Variants in ATP2B4 observed in about 807,000 individuals in gnomAD.
ATP2B4 encodes the protein plasma membrane calcium-transporting ATPase 4.
In ATP2B4, 39 loss-of-function variants were observed where a neutral mutation model predicts 110.3. That is an observed-to-expected ratio of 0.35 (90% CI 0.27 to 0.46). ATP2B4 has a LOEUF of 0.46. Among genes scored for constraint, ATP2B4 ranks in the 20% least tolerant of loss-of-function variants. The probability of loss-of-function intolerance (pLI) is 1.00; values close to 1 mark genes in which losing one functional copy is unlikely to be tolerated. For synonymous variants in ATP2B4, 538 were observed against 571.7 expected, an observed-to-expected ratio of 0.94 and a Z score of 0.84; for missense variants, 1,135 against 1,530.9, an observed-to-expected ratio of 0.74 and a Z score of 4.32.
intron 15 of ATP2B4, among the ~76,000 whole-genome samples, chr1:203,715,965 G>T (rs114888492): frequency 0.018 from 2,628 of 144,364 alleles, 327 homozygotes; most frequent in African/African-American, 0.064. Flanking sequence ...TACTGAATTG[G>T]AAAGCCGGGA....
rs1214526316 is a variant in ATP2B4, at chr1:203,724,865, C to CTCTTTTTTTTTTTTTTTTTTTTTTTTTTT, written c.3132+878_3132+879insCTTTTTTTTTTTTTTTTTTTTTTTTTTTT. Among the ~76,000 whole-genome samples, 2 of 101,454 alleles carry CTCTTTTTTTTTTTTTTTTTTTTTTTTTTT rather than the reference C, an allele frequency of 2.0e-5. 1 individual carries two copies. 66.6% of individuals were successfully genotyped at this position (101,454 alleles called of 152,430 possible). A position where few individuals can be genotyped will look rare whatever the true frequency, so the allele number is the denominator to read the frequency against. On this transcript the variant is annotated intron_variant, in intron 19 of 20. Transcript: ENST00000357681. Reference sequence around the variant, plus strand: ...ACTGCCTGGGTTTGAATCCAGCTCTCTGTTTTTTTTTTTTTTTTTTTTTTT... The same window carrying CTCTTTTTTTTTTTTTTTTTTTTTTTTTTT: ...ACTGCCTGGGTTTGAATCCAGCTCTCTCTTTTTTTTTTTTTTTTTTTTTTTTTTTTGTTTTTTTTTTTTTTTTTTTTTTT...
At chr1:203,721,966 C>A (rs1270482725) in intron 17 of ATP2B4, among the ~76,000 whole-genome samples, 1 of 151,940 alleles carries the variant, frequency 6.6e-6, no homozygotes, top group Non-Finnish European at 1.5e-5. Context: ...TGGCTTATTT[C>A]TTTTTTTACA....
rs933896495 is a variant in ATP2B4 at position 203,713,057 on chromosome 1, C to A, written c.2212-108C>A. The A allele has an allele frequency of 3.5e-6, 4 of 1,141,102 alleles. No individual in the cohort carries two copies. In the African/African-American group the frequency reaches 6.1e-5, roughly 17 times the overall value. The allele number at this position is 1,141,102 out of a possible 1,614,324, so 70.7% of individuals were successfully genotyped here. A position where few individuals can be genotyped will look rare whatever the true frequency, so the allele number is the denominator to read the frequency against. Reference sequence around the variant, plus strand: ...TCCAGAATAACACTTTCATGTGGGACTGTGGTGTACCCAATCTCCCAGTGA... The same window carrying A: ...TCCAGAATAACACTTTCATGTGGGAATGTGGTGTACCCAATCTCCCAGTGA... On this transcript the variant is annotated intron_variant, in intron 13 of 20. Coordinates refer to ENST00000357681, the MANE Select transcript of ATP2B4 (RefSeq NM_001684.5).
intron 2 of ATP2B4, among the ~76,000 whole-genome samples, chr1:203,691,022 G>T (rs1665357717): frequency 3.3e-5 from 5 of 152,146 alleles, no homozygotes. Flanking sequence ...CCCAGGCTCT[G>T]CCAGTTCTTT....
chr1:203,677,916 C>T (rs1664876067), intron 1 of ATP2B4, among the ~76,000 whole-genome samples: 1 of 152,212 alleles, frequency 6.6e-6, no homozygotes, highest in Non-Finnish European at 1.5e-5. Context: ...TACCGGCTTG[C>T]TCCTGAGCAG....
At chr1:203,695,253 G>C (rs549360564) in intron 2 of ATP2B4, among the ~76,000 whole-genome samples, 1 of 152,322 alleles carries the variant, frequency 6.6e-6, no homozygotes, top group South Asian at 2.1e-4. Flanking sequence ...CAGCACAGCA[G>C]ACCCAACTTG....
Position 203,720,650 on chromosome 1 carries a change from C to A in ATP2B4, c.2508C>A (p.Val836=). ...IVKAVMWGRN[V]YDSISKFLQF... ...AGGCAGTGATGTGGGGACGAAATGT[C>A]TATGACAGCATCTCCAAGTTCCTGC... is the stretch of plus-strand genomic sequence containing the variant. The change falls in exon 16 of 21, where the codon GTC becomes GTA. Residue 836 remains valine, a synonymous_variant. Transcript: ENST00000357681. 6.2e-7 allele frequency: 1 copy of A among 1,614,152 alleles called. No homozygotes were observed. Among genetic ancestry groups the A allele is most frequent in the Non-Finnish European group, 8.5e-7 (1 of 1,179,998 alleles).
At chr1:203,712,234 G>C in intron 13 of ATP2B4, 95 bp downstream of exon 13, 1 of 1,385,236 alleles carries the variant, frequency 7.2e-7, no homozygotes, top group Non-Finnish European at 9.8e-7. Flanking sequence ...AAGGTGGGTG[G>C]TTTCTAAAGT....
rs1269599547 is a variant in ATP2B4 at position 203,715,584 on chromosome 1, A to C, written c.2406+1307A>C. Among the ~76,000 whole-genome samples, 4 of 141,724 alleles carry C rather than the reference A, an allele frequency of 2.8e-5. 1 individual carries two copies. Among genetic ancestry groups the C allele is most frequent in the Non-Finnish European group, 6.2e-5 (4 of 64,302 alleles). 93.0% of individuals were successfully genotyped at this position (141,724 alleles called of 152,430 possible). A position where few individuals can be genotyped will look rare whatever the true frequency, so the allele number is the denominator to read the frequency against. ...AATTTTCTTTTCATTATATGGGGGG[A>C]TGGTGTGGGGCAAAAAAAAAAATTT... On this transcript the variant is annotated intron_variant, in intron 15 of 20. Coordinates refer to ENST00000357681, the MANE Select transcript of ATP2B4 (RefSeq NM_001684.5).
intron 20 of ATP2B4, among the ~76,000 whole-genome samples, chr1:203,735,937 G>C (rs1034659159): frequency 5.3e-5 from 8 of 152,164 alleles, no homozygotes; most frequent in Non-Finnish European, 8.8e-5. Flanking sequence ...CTGGTAGAGG[G>C]TGTGCTCCAA....
intron 2 of ATP2B4, among the ~76,000 whole-genome samples, chr1:203,687,162 C>T (rs577133805): frequency 2.6e-5 from 4 of 151,628 alleles, no homozygotes; most frequent in Non-Finnish European, 4.4e-5. Context: ...TGGAAAACAA[C>T]CTTTCCATTA....
chr1:203,644,028 T>A (rs1663715281), intron 1 of ATP2B4, among the ~76,000 whole-genome samples: 1 of 152,064 alleles, frequency 6.6e-6, no homozygotes, highest in African/African-American at 2.4e-5. Flanking sequence ...GGAGGGTGGA[T>A]CACCTAACAT....
At chr1:203,672,433 G>T (rs1017085680) in intron 1 of ATP2B4, among the ~76,000 whole-genome samples, 13 of 147,924 alleles carry the variant, frequency 8.8e-5, no homozygotes, top group Admixed American at 7.0e-5. Context: ...GTCATTACAG[G>T]CACATAAATA....
chr1:203,711,577 G>A (rs1666010881), intron 12 of ATP2B4, among the ~76,000 whole-genome samples: 1 of 152,214 alleles, frequency 6.6e-6, no homozygotes, highest in African/African-American at 2.4e-5. Flanking sequence ...AGCTGATATG[G>A]TTGGAACATG....
chr1:203,699,654 G>A lies in ATP2B4; in HGVS notation c.586G>A (p.Gly196Ser), dbSNP rs779807808. Residue 196 changes from glycine to serine, a missense_variant, in exon 4 of 21, where the codon GGT (glycine) becomes AGT (serine). By Grantham distance (56) the Gly-to-Ser change is moderately conservative. Transcript: ENST00000357681. ...QEQKFSIIRN[G>S]QLIQLPVAEI... ...GCAAAAGTTCTCCATCATCCGAAAC[G>A]GTCAACTCATCCAGCTCCCTGTGGC... 18 of 1,614,052 alleles carry A rather than the reference G, an allele frequency of 1.1e-5. No homozygotes were observed. The highest frequency in any genetic ancestry group is 1.6e-4 in the Middle Eastern group (1 of 6,084).
At chr1:203,645,351 C>G (rs537614756) in intron 1 of ATP2B4, among the ~76,000 whole-genome samples, 74 of 152,270 alleles carry the variant, frequency 4.9e-4, no homozygotes, top group African/African-American at 1.8e-3. Context: ...CAGAGCATTC[C>G]TGTTTACCCA....
chr1:203,721,445 C>G, intron 17 of ATP2B4, 35 bp downstream of exon 17: 1 of 1,600,494 alleles, frequency 6.2e-7, no homozygotes, highest in Non-Finnish European at 8.6e-7. Context: ...CAGCTGGGGT[C>G]CTGGTTGGAG....
rs1232063304 is a variant in ATP2B4, at chr1:203,742,527, A to G, written c.*2673A>G. ...TGAAAAGGGTCTGATGGGGAGAAGG[A>G]GAACGTATCATCCTAGCTTCCTCTC... On this transcript the variant is annotated 3_prime_UTR_variant, in exon 21 of 21. Coordinates refer to ENST00000357681, the MANE Select transcript of ATP2B4 (RefSeq NM_001684.5). The G allele has an allele frequency of 6.6e-6, 1 of 152,642 alleles. No homozygotes were observed. The highest frequency in any genetic ancestry group is 2.4e-5 in the African/African-American group (1 of 41,456). The allele number at this position is 152,642 out of a possible 1,614,324, so 9.5% of individuals were successfully genotyped here. A position where few individuals can be genotyped will look rare whatever the true frequency, so the allele number is the denominator to read the frequency against.
At chr1:203,659,938 C>T (rs1255167024) in intron 1 of ATP2B4, among the ~76,000 whole-genome samples, 5 of 151,858 alleles carry the variant, frequency 3.3e-5, no homozygotes, top group Non-Finnish European at 7.4e-5. Context: ...AAAAATTAGC[C>T]GGGCGTGGTG....
Sources: allele counts gnomAD v4.1 joint callset (sites outside exome capture counted in the v4.1 genomes callset), GRCh38; gene constraint gnomAD v4.1.1; transcripts MANE v1.5; gene names NCBI Gene and HGNC (gene_info 2026-07-23, HGNC 2026-07-21).